HHIP: variants seen among roughly 807,000 people sequenced by gnomAD.
The protein encoded by HHIP is hedgehog-interacting protein.
HHIP carries 12 observed loss-of-function variants against 74.0 expected under a neutral mutation model. The ratio of observed to expected loss-of-function variants is 0.16; its 90% confidence interval spans 0.10 to 0.26. The LOEUF (loss-of-function observed/expected upper bound fraction) is 0.26. HHIP is among the 10% of genes least tolerant of loss of function. HHIP has a pLI of 1.00. For missense variants in HHIP, 788 were observed against 845.0 expected, an observed-to-expected ratio of 0.93 and a Z score of 0.84; for synonymous variants, 309 against 311.6, an observed-to-expected ratio of 0.99 and a Z score of 0.09.
chr4:144,670,074 G>C (rs1250874699), intron 4 of HHIP, among the ~76,000 whole-genome samples: 1 of 148,698 alleles, frequency 6.7e-6, no homozygotes, highest in Admixed American at 6.7e-5. Flanking sequence ...AACCCAGGAG[G>C]CAGAGGTTTC....
intron 11 of HHIP, among the ~76,000 whole-genome samples, chr4:144,726,053 T>A (rs1191970026): frequency 6.6e-6 from 1 of 152,140 alleles, no homozygotes; most frequent in African/African-American, 2.4e-5. Context: ...CAGAAAAAAA[T>A]TCTCTGGTTA....
At chr4:144,702,596 T>C (rs1379303545) in intron 4 of HHIP, among the ~76,000 whole-genome samples, 1 of 152,144 alleles carries the variant, frequency 6.6e-6, no homozygotes, top group African/African-American at 2.4e-5. Context: ...GAAGTTGATG[T>C]AGCATTGAAG....
intron 10 of HHIP, among the ~76,000 whole-genome samples, chr4:144,716,072 T>G (rs1730438037): frequency 6.6e-6 from 1 of 152,154 alleles, no homozygotes. Context: ...GAGTAAAAAT[T>G]TTATTCTCTA....
chr4:144,701,149 T>C (rs1398290267), intron 4 of HHIP, among the ~76,000 whole-genome samples: 1 of 152,200 alleles, frequency 6.6e-6, no homozygotes, highest in Non-Finnish European at 1.5e-5. Flanking sequence ...TATTCTTATA[T>C]TAATTCTTAA....
At chr4:144,716,390 G>A (rs1730444427) in intron 10 of HHIP, among the ~76,000 whole-genome samples, 2 of 152,078 alleles carry the variant, frequency 1.3e-5, no homozygotes, top group Admixed American at 6.6e-5. Flanking sequence ...ACAATTCAAA[G>A]AAGAGAATCC....
At position 144,659,704 on chromosome 4, in the gene HHIP, C is replaced by T; in HGVS notation, c.697C>T (p.Leu233=). The change falls in exon 4 of 13, where the codon CTG becomes TTG. Residue 233 remains leucine (L), a synonymous_variant. Transcript: ENST00000296575. ...TGGGCTGCGGCAGCCCGTTGGTGCCCTGCATAGTGGGGATGGCTCGCAACG... is the reference window on the plus strand; with the variant it reads ...TGGGCTGCGGCAGCCCGTTGGTGCCTTGCATAGTGGGGATGGCTCGCAACG... ...VSGLRQPVGA[L]HSGDGSQRLF... is the part of the protein sequence containing the mutation. 1.9e-6 allele frequency: 3 copies of T among 1,598,756 alleles called. No individual in the cohort carries two copies. Among genetic ancestry groups the T allele is most frequent in the Non-Finnish European group, 2.6e-6 (3 of 1,174,240 alleles).
chr4:144,666,629 C>A (rs1318932127), intron 4 of HHIP, among the ~76,000 whole-genome samples: 1 of 152,170 alleles, frequency 6.6e-6, no homozygotes, highest in Non-Finnish European at 1.5e-5. Context: ...GGGTGCTAAG[C>A]TGCTAAATGC....
chr4:144,735,348 T>C (rs1731084747), intron 12 of HHIP, among the ~76,000 whole-genome samples: 1 of 152,156 alleles, frequency 6.6e-6, no homozygotes, highest in Non-Finnish European at 1.5e-5. Flanking sequence ...TCAGTGGGTG[T>C]TATTAAATAA....
chr4:144,686,074 G>A (rs1477898486), intron 4 of HHIP, among the ~76,000 whole-genome samples: 1 of 152,136 alleles, frequency 6.6e-6, no homozygotes, highest in Non-Finnish European at 1.5e-5. Context: ...GTGGCTTGGA[G>A]GCACAGTTTC....
At chr4:144,675,750 C>A (rs1013930634) in intron 4 of HHIP, among the ~76,000 whole-genome samples, 3 of 151,854 alleles carry the variant, frequency 2.0e-5, no homozygotes, top group Admixed American at 1.3e-4. Context: ...AAAATATAAA[C>A]TTTTCTAAAA....
chr4:144,721,969 A>G (rs993322800), intron 11 of HHIP, among the ~76,000 whole-genome samples: 8 of 151,988 alleles, frequency 5.3e-5, no homozygotes, highest in Non-Finnish European at 1.0e-4. Context: ...ATGTTAGAAC[A>G]TTGTACACAC....
chr4:144,714,122 C>T (rs1274011819), intron 8 of HHIP, 103 bp from the exon 9 acceptor site: 3 of 994,458 alleles, frequency 3.0e-6, no homozygotes, highest in Admixed American at 2.0e-5. Flanking sequence ...TATCATAGAA[C>T]ACATTTCAGA....
chr4:144,666,640 T>C (rs1241915589), intron 4 of HHIP, among the ~76,000 whole-genome samples: 1 of 152,194 alleles, frequency 6.6e-6, no homozygotes, highest in African/African-American at 2.4e-5. Flanking sequence ...TGCTAAATGC[T>C]GCTATATGCC....
In HHIP at chr4:144,687,822, T is replaced by C. The variant is rs193279359; in HGVS notation, c.832-18709T>C. Among the ~76,000 whole-genome samples the C allele has an allele frequency of 4.0e-5, 6 of 150,044 alleles. No individual in the cohort carries two copies. The East Asian group carries it at 1.2e-3, about 29-fold the overall frequency. On this transcript the variant is annotated intron_variant, in intron 4 of 12. Coordinates refer to ENST00000296575, the MANE Select transcript of HHIP (RefSeq NM_022475.3). ...CATCTCAGCATTATCAAAACTAAGT[T>C]TGATAACTTACATTCTATTTGCATA...
chr4:144,648,113 T>G (rs1167678492), intron 1 of HHIP: 4 of 152,206 alleles, frequency 2.6e-5, no homozygotes, highest in Non-Finnish European at 5.9e-5. Context: ...TCTCACTTTG[T>G]TTTGTAACAA....
chr4:144,698,589 AAGG>A (rs1560710755), intron 4 of HHIP, among the ~76,000 whole-genome samples: 1 of 152,198 alleles, frequency 6.6e-6, no homozygotes, highest in Non-Finnish European at 1.5e-5. Context: ...AAACACGATT[AAGG>A]AGAAGAGAAA....
chr4:144,738,516 CACTT>C lies in HHIP; in HGVS notation c.*562_*565del. ...GTGTATCCAGTTACAGAATGCTACA[CACTT>C]ACCTTTTTATTGGCTGAGAAATCTG... On this transcript the variant is annotated 3_prime_UTR_variant, in exon 13 of 13. Coordinates refer to ENST00000296575, the MANE Select transcript of HHIP (RefSeq NM_022475.3). 2 of 968,854 alleles carry C rather than the reference CACTT, an allele frequency of 2.1e-6. No individual in the cohort carries two copies. The highest frequency in any genetic ancestry group is 2.5e-6 in the Non-Finnish European group (2 of 814,588). 60.0% of individuals were successfully genotyped at this position (968,854 alleles called of 1,614,324 possible).
At chr4:144,711,493 C>T (rs952832889) in intron 7 of HHIP, among the ~76,000 whole-genome samples, 1 of 152,082 alleles carries the variant, frequency 6.6e-6, no homozygotes, top group Admixed American at 6.6e-5. Context: ...TCCCCCTGCA[C>T]CCCGCCCCCC....
intron 4 of HHIP, among the ~76,000 whole-genome samples, chr4:144,675,826 G>A (rs544499047): frequency 6.6e-6 from 1 of 152,236 alleles, no homozygotes; most frequent in East Asian, 1.9e-4. Flanking sequence ...ACTAAATGTG[G>A]AATATTTCCA....
Sources: gnomAD v4.1 joint callset for allele counts (sites outside exome capture counted in the v4.1 genomes callset) on GRCh38, gnomAD v4.1.1 for gene constraint, MANE v1.5 for transcripts, NCBI Gene and HGNC (gene_info 2026-07-23, HGNC 2026-07-21) for gene names.